ETV4: variants seen among roughly 807,000 people sequenced by gnomAD.
ETV4 encodes ETS variant transcription factor 4, also known as ETS translocation variant 4.
A neutral mutation model predicts 65.9 loss-of-function variants in ETV4; 42 were observed. That is an observed-to-expected ratio of 0.64 (90% confidence interval 0.50 to 0.82). ETV4 has a LOEUF of 0.82. Ranked by LOEUF, ETV4 falls within the 40% of genes least tolerant of loss-of-function variation. The pLI is 0.00. For missense variants in ETV4, 583 were observed against 630.3 expected (o/e 0.92, Z 0.80); for synonymous variants, 238 against 260.0 (o/e 0.92, Z 0.81).
chr17:43,533,777 C>G, intron 6 of ETV4, 82 bp downstream of exon 6: 1 of 1,537,406 alleles, frequency 6.5e-7, no homozygotes, highest in Non-Finnish European at 8.8e-7. Context: ...ATCTCAGCTG[C>G]TGCCTCTGCT....
intron 4 of ETV4, among the ~76,000 whole-genome samples, chr17:43,539,203 A>G (rs1036506379): frequency 1.1e-4 from 17 of 151,930 alleles, no homozygotes; most frequent in African/African-American, 3.6e-4. Context: ...GGCCTTGCCT[A>G]CCTCTCTGAC....
In ETV4 at chr17:43,530,429, G is replaced by A. The variant is rs1970853277; in HGVS notation, c.812-248C>T. 2.9e-6 allele frequency: 4 copies of A among 1,401,378 alleles called. No homozygotes were observed. In the South Asian group the frequency reaches 4.6e-5, roughly 16 times the overall value. The allele number at this position is 1,401,378 out of a possible 1,614,324, so 86.8% of individuals were successfully genotyped here. On this transcript the variant is annotated intron_variant, in intron 8 of 12. Transcript: ENST00000319349. ...CCATGGAAGGCAGCAGCGGGGGCTG[G>A]GCAAGCTGTTCTGAAGGGCCCAAGC...
chr17:43,543,887 C>T (rs1295330986), intron 4 of ETV4: 1 of 152,176 alleles, frequency 6.6e-6, no homozygotes, highest in Non-Finnish European at 1.5e-5. Context: ...GACCTAGTCT[C>T]ACTCCAAGGA....
intron 8 of ETV4, among the ~76,000 whole-genome samples, chr17:43,532,119 C>T (rs1400419522): frequency 1.3e-5 from 2 of 152,214 alleles, no homozygotes; most frequent in Admixed American, 6.5e-5. Flanking sequence ...CTGCCATGGC[C>T]TCCTAAAGTG....
At position 43,529,935 on chromosome 17, in the gene ETV4, G is replaced by A. The variant is rs983237636; in HGVS notation, c.904C>T (p.Pro302Ser). ...ACATCATCTGGGAATGGTCGCAGAGGTTTCTCATAGCCATAGCCTTGTGGA... is the reference window on the plus strand; with the variant it reads ...ACATCATCTGGGAATGGTCGCAGAGATTTCTCATAGCCATAGCCTTGTGGA... ...DGAMGYGYEK[P>S]LRPFPDDVCV... is the part of the protein sequence containing the mutation. Residue 302 changes from proline to serine, a missense_variant, in exon 10 of 13, where the codon CCT (proline) becomes TCT (serine). Transcript: ENST00000319349. 6.2e-7 allele frequency: 1 copy of A among 1,614,042 alleles called. No homozygotes were observed. The highest frequency in any genetic ancestry group is 1.3e-5 in the African/African-American group (1 of 74,920).
At chr17:43,529,327 G>A in intron 11 of ETV4, 91 bp from the exon 12 acceptor site, 1 of 1,438,312 alleles carries the variant, frequency 7.0e-7, no homozygotes, top group Non-Finnish European at 9.8e-7. Context: ...GATTCTTGGT[G>A]CAAAGTGCCA....
intron 4 of ETV4, among the ~76,000 whole-genome samples, chr17:43,538,587 G>A (rs1160524875): frequency 1.3e-5 from 2 of 152,172 alleles, no homozygotes; most frequent in African/African-American, 4.8e-5. Context: ...CTGATTTCTA[G>A]TTCTTATTCT....
Position 43,537,636 on chromosome 17 carries a change from C to T in ETV4, c.203-1157G>A, listed in dbSNP as rs148190859. On this transcript the variant is annotated intron_variant, in intron 4 of 12. Transcript: ENST00000319349. Reference sequence around the variant, plus strand: ...GCTTGAACCCAGGAGGCAGAGGTTGCAGTCAGCTGAGATCATGCCACTGCA... The same window carrying T: ...GCTTGAACCCAGGAGGCAGAGGTTGTAGTCAGCTGAGATCATGCCACTGCA... 3.5e-3 allele frequency among the ~76,000 whole-genome samples: 529 copies of T among 152,118 alleles called. 2 individuals carry two copies. Among genetic ancestry groups the T allele is most frequent in the African/African-American group, 0.011 (457 of 41,506 alleles).
At chr17:43,542,454 A>G (rs911594502) in intron 4 of ETV4, among the ~76,000 whole-genome samples, 2 of 152,080 alleles carry the variant, frequency 1.3e-5, no homozygotes, top group Admixed American at 6.5e-5. Flanking sequence ...CCTTGGACAA[A>G]AAACCAGCAT....
chr17:43,545,194 CGTGT>C lies in ETV4; in HGVS notation c.154+76_154+79del, dbSNP rs34640745. ...AACAGGCGGGGGTTCCAGAATCGGCCGTGTGTGTGTGTGTGTGTGTGTGTGTGTG... is the reference window on the plus strand; with the variant it reads ...AACAGGCGGGGGTTCCAGAATCGGCCGTGTGTGTGTGTGTGTGTGTGTGTG... On this transcript the variant is annotated intron_variant, in intron 3 of 12. Transcript: ENST00000319349. The C allele has an allele frequency of 6.5e-3, 4,124 of 634,244 alleles. 6 individuals carry two copies. Among genetic ancestry groups the C allele is most frequent in the African/African-American group, 0.019 (841 of 45,408 alleles). The allele number at this position is 634,244 out of a possible 1,614,324, so 39.3% of individuals were successfully genotyped here. A position where few individuals can be genotyped will look rare whatever the true frequency, so the allele number is the denominator to read the frequency against.
rs747162285 is a variant in ETV4, at chr17:43,532,804, T to C, written c.681A>G (p.Gln227=). The C allele has an allele frequency of 1.2e-6, 2 of 1,613,916 alleles. No homozygotes were observed. The highest frequency in any genetic ancestry group is 4.5e-5 in the East Asian group (2 of 44,852). The change falls in exon 8 of 13, where the codon CAA becomes CAG. Residue 227 remains glutamine (Q), a synonymous_variant. Coordinates refer to ENST00000319349, the MANE Select transcript of ETV4 (RefSeq NM_001079675.5). ...GTTCATACAGGGGATCATGGTATTC[T>C]TGCTTAAAGCTCTGCTGGGGATAGG... ...CPPYPQQSFK[Q]EYHDPLYEQA... is the part of the protein sequence containing the mutation.
At position 43,532,864 on chromosome 17, in the gene ETV4, G is replaced by A; in HGVS notation, c.621C>T (p.Ala207=). 3 of 1,610,922 alleles carry A rather than the reference G, an allele frequency of 1.9e-6. No homozygotes were observed. The highest frequency in any genetic ancestry group is 2.5e-6 in the Non-Finnish European group (3 of 1,177,818). ...GCTCCGACAGCTGGTGTTGGTAGGG[G>A]GCTGGGAGGGGTTCCCGGCCCCCTC... ...SQGGGREPLP[A]PYQHQLSEPC... is the part of the protein sequence containing the mutation. The change falls in exon 8 of 13, where the codon GCC becomes GCT. Residue 207 remains alanine, a synonymous_variant. Transcript: ENST00000319349.
At chr17:43,535,080 G>C (rs1567711297) in intron 5 of ETV4, among the ~76,000 whole-genome samples, 1 of 152,304 alleles carries the variant, frequency 6.6e-6, no homozygotes, top group East Asian at 1.9e-4. Context: ...CCCCTGCGGG[G>C]TTCCCAAACT....
chr17:43,529,294 G>A (rs763809096), intron 11 of ETV4, 58 bp from the exon 12 acceptor site: 64 of 1,555,270 alleles, frequency 4.1e-5, no homozygotes, highest in Admixed American at 2.7e-4. Context: ...AAAAATGGGG[G>A]TAAGGTCAGA....
At chr17:43,533,022 G>A in intron 7 of ETV4, 83 bp from the exon 8 acceptor site, 1 of 1,513,458 alleles carries the variant, frequency 6.6e-7, no homozygotes. Flanking sequence ...GGCTTTTAGA[G>A]TGGGCTCCGG....
intron 12 of ETV4, 77 bp downstream of exon 12, chr17:43,529,058 C>T: frequency 7.4e-7 from 1 of 1,356,058 alleles, no homozygotes; most frequent in African/African-American, 1.4e-5. Flanking sequence ...TGAGAACTGC[C>T]CTGCTGACCC....
intron 4 of ETV4, among the ~76,000 whole-genome samples, chr17:43,540,345 C>CTTT (rs933843449): frequency 3.9e-5 from 6 of 152,140 alleles, no homozygotes; most frequent in African/African-American, 1.4e-4. Context: ...CCCAGCTACT[C>CTTT]TGGAGGCTGA....
chr17:43,545,102 C>T, intron 3 of ETV4, 80 bp from the exon 4 acceptor site: 1 of 1,477,020 alleles, frequency 6.8e-7, no homozygotes, highest in South Asian at 1.1e-5. Flanking sequence ...CCCGGTGACT[C>T]CCCTGCCTTG....
chr17:43,544,911 C>G (rs1242871161), intron 4 of ETV4, 64 bp downstream of exon 4: 11 of 1,473,118 alleles, frequency 7.5e-6, no homozygotes, highest in Non-Finnish European at 9.5e-6. Flanking sequence ...GGTGGAATAC[C>G]AGGGGCTACG....
Sources: allele counts gnomAD v4.1 joint callset (sites outside exome capture counted in the v4.1 genomes callset), GRCh38; gene constraint gnomAD v4.1.1; transcripts MANE v1.5; gene names NCBI Gene and HGNC (gene_info 2026-07-23, HGNC 2026-07-21).